Variants in RTL4 observed in about 807,000 individuals in gnomAD.
The protein encoded by RTL4 is retrotransposon Gag-like protein 4.
A neutral mutation model predicts 5.3 loss-of-function variants in RTL4; 4 were observed. The ratio of observed to expected loss-of-function variants is 0.75; its 90% confidence interval spans 0.37 to 1.72. The LOEUF (loss-of-function observed/expected upper bound fraction) is 1.72, where lower values mean the gene tolerates loss of function less well. Among genes scored for constraint, RTL4 ranks in the 40% most tolerant of loss-of-function variants. The pLI, the probability that RTL4 is intolerant of heterozygous loss-of-function variation, is 0.04. For missense variants in RTL4, 260 were observed against 227.1 expected (o/e 1.14, Z -0.93); for synonymous variants, 98 against 87.3 (o/e 1.12, Z -0.68).
chrX:112,439,844 A>C, the RTL4 span, among the ~76,000 whole-genome samples: 2 of 111,372 alleles, frequency 1.8e-5, no homozygotes, highest in Non-Finnish European at 3.8e-5. Context: ...CCATGATTGG[A>C]AGCTTCCTGG....
the RTL4 span, among the ~76,000 whole-genome samples, chrX:112,151,411 T>C: frequency 1.8e-5 from 2 of 111,827 alleles, no homozygotes; most frequent in African/African-American, 6.5e-5. Context: ...GTCTTTCCAC[T>C]CCTCTCCCCA....
the RTL4 span, among the ~76,000 whole-genome samples, chrX:112,398,865 G>T: frequency 7.1e-5 from 8 of 112,142 alleles, no homozygotes; most frequent in Non-Finnish European, 1.5e-4. Flanking sequence ...CAGTTTTAGG[G>T]ATGAGTTATA....
the RTL4 span, among the ~76,000 whole-genome samples, chrX:112,212,999 C>T: frequency 8.9e-6 from 1 of 111,863 alleles, no homozygotes; most frequent in African/African-American, 3.3e-5. Flanking sequence ...GATATACTTG[C>T]GTGTTATGGG....
chrX:112,161,874 C>CTTTCTTTCTTTCTTTCTTTCTTTCT, the RTL4 span, among the ~76,000 whole-genome samples: 28 of 36,012 alleles, frequency 7.8e-4, 2 homozygotes, highest in African/African-American at 2.2e-3. Flanking sequence ...TCTTTCTTTC[C>CTTTCTTTCTTTCTTTCTTTCTTTCT]TTCTTTCTTC....
At chrX:112,449,738 C>T (rs759975463), upstream of RTL4, among the ~76,000 whole-genome samples, 2 of 112,203 alleles carry the variant, frequency 1.8e-5, no homozygotes, top group African/African-American at 6.5e-5. Flanking sequence ...ACTTCAATAT[C>T]ATCTGGAGGG....
At chrX:112,324,354 C>T in the RTL4 span, among the ~76,000 whole-genome samples, 1 of 111,589 alleles carries the variant, frequency 9.0e-6, no homozygotes, top group Non-Finnish European at 1.9e-5. Flanking sequence ...GAAGTAATTC[C>T]ATTTCTCTAT....
the RTL4 span, among the ~76,000 whole-genome samples, chrX:112,209,236 ATTTC>A: frequency 2.7e-5 from 3 of 111,833 alleles, no homozygotes; most frequent in Non-Finnish European, 5.6e-5. Context: ...TCTTCCTCAA[ATTTC>A]TTTGTCACCA....
the RTL4 span, among the ~76,000 whole-genome samples, chrX:112,178,711 C>G: frequency 9.0e-5 from 10 of 111,421 alleles, no homozygotes; most frequent in African/African-American, 3.3e-4. Flanking sequence ...TTGCAACTCC[C>G]CTTACCTCAA....
the RTL4 span, among the ~76,000 whole-genome samples, chrX:112,385,547 T>C: frequency 9.0e-6 from 1 of 110,666 alleles, no homozygotes; most frequent in Non-Finnish European, 1.9e-5. Flanking sequence ...TGTTATTTTG[T>C]GTTTACTTGA....
At chrX:112,286,227 A>G in the RTL4 span, among the ~76,000 whole-genome samples, 1 of 112,064 alleles carries the variant, frequency 8.9e-6, no homozygotes, top group Non-Finnish European at 1.9e-5. Context: ...AGCAAGTGCA[A>G]ATACTCTGAG....
chrX:112,282,869 C>G, the RTL4 span, among the ~76,000 whole-genome samples: 1 of 111,634 alleles, frequency 9.0e-6, no homozygotes, highest in Non-Finnish European at 1.9e-5. Flanking sequence ...GGAATAAAGA[C>G]TGCTATTTGA....
At chrX:112,236,624 C>A in the RTL4 span, among the ~76,000 whole-genome samples, 1 of 105,634 alleles carries the variant, frequency 9.5e-6, no homozygotes, top group East Asian at 3.0e-4. Flanking sequence ...GAGAAATTCA[C>A]AATGTCCAGG....
chrX:112,170,677 T>C, the RTL4 span, among the ~76,000 whole-genome samples: 1 of 111,733 alleles, frequency 8.9e-6, no homozygotes, highest in Non-Finnish European at 1.9e-5. Context: ...AGATACAGGA[T>C]CATGTTATTT....
the RTL4 span, among the ~76,000 whole-genome samples, chrX:112,204,657 T>C: frequency 9.0e-6 from 1 of 111,689 alleles, no homozygotes; most frequent in East Asian, 2.8e-4. Context: ...AGAAGGATGG[T>C]TACCAGAGGC....
At chrX:112,435,068 C>T in the RTL4 span, among the ~76,000 whole-genome samples, 120 of 111,073 alleles carry the variant, frequency 1.1e-3, no homozygotes, top group Non-Finnish European at 1.9e-3. Context: ...CACTCATTGT[C>T]ATGAGAACAG....
At chrX:112,301,120 C>G in the RTL4 span, among the ~76,000 whole-genome samples, 2 of 111,638 alleles carry the variant, frequency 1.8e-5, no homozygotes, top group Non-Finnish European at 3.8e-5. Flanking sequence ...CCTACAGGCA[C>G]TGACAGTGGT....
At chrX:112,205,543 A>G in the RTL4 span, among the ~76,000 whole-genome samples, 1 of 111,035 alleles carries the variant, frequency 9.0e-6, no homozygotes, top group East Asian at 2.8e-4. Context: ...TGAATATCTC[A>G]TTTCCCAAAT....
chrX:112,205,606 TAC>T, the RTL4 span, among the ~76,000 whole-genome samples: 725 of 106,816 alleles, frequency 6.8e-3, 6 homozygotes, highest in African/African-American at 0.018. Context: ...CGTGTGCATG[TAC>T]ACACACACAC....
the RTL4 span, among the ~76,000 whole-genome samples, chrX:112,285,508 T>A: frequency 1.8e-5 from 2 of 111,429 alleles, no homozygotes; most frequent in Admixed American, 1.9e-4. Context: ...CTTTTCTAAA[T>A]CCAGCATCCT....
Sources: allele counts gnomAD v4.1 joint callset (sites outside exome capture counted in the v4.1 genomes callset), GRCh38; gene constraint gnomAD v4.1.1; transcripts MANE v1.5; gene names NCBI Gene and HGNC (gene_info 2026-07-23, HGNC 2026-07-21).